The following GALNT6 variants were observed in gnomAD, a reference collection of about 807,000 sequenced individuals.
The protein encoded by GALNT6 is polypeptide N-acetylgalactosaminyltransferase 6, also known as GalNAc transferase 6.
In GALNT6, 51 loss-of-function variants were observed where a neutral mutation model predicts 65.9. The ratio of observed to expected loss-of-function variants is 0.77; its 90% CI spans 0.62 to 0.98. GALNT6 has a LOEUF of 0.98. Ranked by LOEUF, GALNT6 falls within the 50% of genes least tolerant of loss-of-function variation. GALNT6 has a pLI of 0.00. For synonymous variants in GALNT6, 323 were observed against 315.1 expected, an observed-to-expected ratio of 1.02 and a Z score of -0.26; for missense variants, 708 against 803.3, an observed-to-expected ratio of 0.88 and a Z score of 1.43.
Position 51,359,324 on chromosome 12 carries a change from C to A in GALNT6, c.1176G>T (p.Gln392His). 6.2e-7 allele frequency: 1 copy of A among 1,608,912 alleles called. No homozygotes were observed. The highest frequency in any genetic ancestry group is 8.5e-7 in the Non-Finnish European group (1 of 1,177,224). Reference sequence around the variant, plus strand: ...GGATGATCTCCAGCTGGCCCCCACACTGCCACACCTGATGTAAGAGGAGAC... The same window carrying A: ...GGATGATCTCCAGCTGGCCCCCACAATGCCACACCTGATGTAAGAGGAGAC... ...ENVEMSFRVW[Q>H]CGGQLEIIPC... Residue 392 changes from glutamine (Q) to histidine (H), a missense_variant, in exon 8 of 12, where the codon CAG (glutamine) becomes CAT (histidine). Physicochemically the swap from Gln to His is conservative, Grantham distance 24 (BLOSUM62 0). Coordinates refer to ENST00000356317, the MANE Select transcript of GALNT6 (RefSeq NM_007210.4).
rs927324448 is a variant in GALNT6, at chr12:51,387,258, C to T, written c.-104+3592G>A. Among the ~76,000 whole-genome samples the T allele has an allele frequency of 1.3e-5, 2 of 152,098 alleles. No individual in the cohort carries two copies. Among genetic ancestry groups the T allele is most frequent in the Non-Finnish European group, 1.5e-5 (1 of 68,032 alleles). ...GATTACAGGCGCCCGCCACCACGTC[C>T]GGCTAATTTTTGTATTTTTTTAGTA... On this transcript the variant is annotated intron_variant, in intron 2 of 11. Transcript: ENST00000356317. This position sits in a 1 kb window ranked among gnomAD's most constrained non-coding sequence, Gnocchi z 4.2.
chr12:51,361,096 G>A (rs531125469), intron 6 of GALNT6, among the ~76,000 whole-genome samples: 5 of 152,332 alleles, frequency 3.3e-5, no homozygotes, highest in African/African-American at 9.6e-5. Context: ...TAGGATGCAC[G>A]TAACACTGGC....
chr12:51,368,926 A>G (rs754635902), intron 4 of GALNT6, among the ~76,000 whole-genome samples: 8 of 152,180 alleles, frequency 5.3e-5, no homozygotes, highest in Non-Finnish European at 1.2e-4. Context: ...ATGTCTGTCA[A>G]TGTGCTGCCA....
intron 2 of GALNT6, among the ~76,000 whole-genome samples, chr12:51,381,729 T>C (rs372059021): frequency 4.0e-4 from 61 of 152,316 alleles, no homozygotes; most frequent in Middle Eastern, 6.8e-3. Context: ...CACAGGGTTG[T>C]GGGGAGGATT....
Position 51,379,856 on chromosome 12 carries a change from T to A in GALNT6, c.-75A>T. 7.0e-7 allele frequency: 1 copy of A among 1,424,338 alleles called. No individual in the cohort carries two copies. Among genetic ancestry groups the A allele is most frequent in the South Asian group, 1.4e-5 (1 of 73,378 alleles). 88.2% of individuals were successfully genotyped at this position (1,424,338 alleles called of 1,614,324 possible). On this transcript the variant is annotated 5_prime_UTR_variant, in exon 3 of 12. Coordinates refer to ENST00000356317, the MANE Select transcript of GALNT6 (RefSeq NM_007210.4). The stretch of plus-strand genomic sequence containing the variant: ...CCAACCCTGGAGATAGCTTGATACG[T>A]TGTGGTGGCCACAAGCTGGGGCCTC...
chr12:51,384,710 A>AAG (rs1947775258), intron 2 of GALNT6, among the ~76,000 whole-genome samples: 2 of 151,160 alleles, frequency 1.3e-5, no homozygotes, highest in South Asian at 4.2e-4. Flanking sequence ...AAAAAAAAAA[A>AAG]AGACCAATTA....
At chr12:51,356,188 A>G (rs181602672) in intron 10 of GALNT6, among the ~76,000 whole-genome samples, 2 of 149,508 alleles carry the variant, frequency 1.3e-5, no homozygotes, top group Admixed American at 1.3e-4. Context: ...ATATGTGTGT[A>G]TATATATATG....
intron 3 of GALNT6, 62 bp downstream of exon 3, chr12:51,379,229 C>T: frequency 1.3e-6 from 2 of 1,484,408 alleles, no homozygotes; most frequent in Non-Finnish European, 1.8e-6. Context: ...TGGCCCTGGC[C>T]ATACTAGCCA....
intron 2 of GALNT6, among the ~76,000 whole-genome samples, chr12:51,384,929 A>G (rs1281431362): frequency 6.6e-6 from 1 of 152,184 alleles, no homozygotes; most frequent in African/African-American, 2.4e-5. Context: ...AATAGAATGA[A>G]AAGAAAATAT....
At position 51,360,676 on chromosome 12, in the gene GALNT6, C is replaced by A. The variant is rs371198609; in HGVS notation, c.1167+45G>T. 4.5e-6 allele frequency: 5 copies of A among 1,100,364 alleles called. No homozygotes were observed. The African/African-American group carries it at 4.6e-5, about 10-fold the overall frequency. 68.2% of individuals were successfully genotyped at this position (1,100,364 alleles called of 1,614,324 possible). A position where few individuals can be genotyped will look rare whatever the true frequency, so the allele number is the denominator to read the frequency against. On this transcript the variant is annotated intron_variant, in intron 7 of 11. Transcript: ENST00000356317. ...GCCTGAGAGATGTTTCTCAAGCTGTCGCCTGGGATGTTGTGGTTCCCCCCA... is the reference window on the plus strand; with the variant it reads ...GCCTGAGAGATGTTTCTCAAGCTGTAGCCTGGGATGTTGTGGTTCCCCCCA...
chr12:51,377,227 T>C lies in GALNT6; in HGVS notation c.632A>G (p.Glu211Gly). 1.2e-6 allele frequency: 2 copies of C among 1,613,852 alleles called. No homozygotes were observed. The highest frequency in any genetic ancestry group is 1.7e-6 in the Non-Finnish European group (2 of 1,180,022). The change falls in exon 4 of 12, where the codon GAG (glutamate) becomes GGG (glycine). Residue 211 changes from glutamate (E) to glycine (G), a missense_variant. Transcript: ENST00000356317. The stretch of plus-strand genomic sequence containing the variant: ...GCTGGCATCATCCACCAGTATGATC[T>C]CCTTGAGCAAGATGGCAGGGGTGGT... ...LHTTPAILLK[E>G]IILVDDASTE...
intron 4 of GALNT6, among the ~76,000 whole-genome samples, chr12:51,368,338 G>A (rs1394028441): frequency 2.0e-5 from 3 of 151,624 alleles, no homozygotes; most frequent in African/African-American, 7.3e-5. Context: ...TGGCGCCTAG[G>A]AGAAGGAAAG....
rs1948058683 is a variant in GALNT6, at chr12:51,390,842, C to T, written c.-104+8G>A. The T allele has an allele frequency of 6.6e-6, 1 of 152,252 alleles. No individual in the cohort carries two copies. The highest frequency in any genetic ancestry group is 2.1e-4 in the South Asian group (1 of 4,830). 9.4% of individuals were successfully genotyped at this position (152,252 alleles called of 1,614,324 possible). ...TCCACCCCCATACACAGAAGAGCCC[C>T]ATCCTACCCTCTGCAGACGTCTGGG... On this transcript the variant is annotated splice_region_variant and intron_variant, in intron 2 of 11. Transcript: ENST00000356317.
At chr12:51,381,635 G>T (rs778347568) in intron 2 of GALNT6, among the ~76,000 whole-genome samples, 6 of 152,202 alleles carry the variant, frequency 3.9e-5, no homozygotes, top group Non-Finnish European at 8.8e-5. Context: ...ATCATTAGCA[G>T]CTGTGTGACC....
Position 51,358,221 on chromosome 12 carries a change from T to C in GALNT6, c.1409A>G (p.Glu470Gly). The change falls in exon 9 of 12, where the codon GAA becomes GGA. Residue 470 changes from glutamate to glycine, a missense_variant. Transcript: ENST00000356317. Reference protein sequence around the residue: ...GDISERLQLREQLHCHNFSWY... With the variant: ...GDISERLQLRGQLHCHNFSWY... ...GGAAAAGTTGTGACAGTGCAGTTGTTCCCTCAGCTGCAGTCGTTCCGAAAT... is the reference window on the plus strand; with the variant it reads ...GGAAAAGTTGTGACAGTGCAGTTGTCCCCTCAGCTGCAGTCGTTCCGAAAT... 1.2e-6 allele frequency: 2 copies of C among 1,613,416 alleles called. No homozygotes were observed. Among genetic ancestry groups the C allele is most frequent in the Admixed American group, 1.7e-5 (1 of 60,006 alleles).
At chr12:51,364,492 C>G in intron 5 of GALNT6, 137 bp from the exon 6 acceptor site, 1 of 635,824 alleles carries the variant, frequency 1.6e-6, no homozygotes, top group Non-Finnish European at 2.8e-6. Flanking sequence ...CCCACAGCTA[C>G]AGGGAGCACA....
intron 4 of GALNT6, among the ~76,000 whole-genome samples, chr12:51,368,141 A>ATT (rs1947170593): frequency 2.0e-5 from 3 of 150,494 alleles, no homozygotes; most frequent in African/African-American, 7.3e-5. Context: ...TTTTTTTTAA[A>ATT]TTTTTTTATT....
rs925694197 is a variant in GALNT6 at position 51,380,199 on chromosome 12, T to A, written c.-103-315A>T. On this transcript the variant is annotated intron_variant, in intron 2 of 11. Transcript: ENST00000356317. ...AACAACTTGGTATTATCAAGAAAAA[T>A]TTGAAATGAACACAGCCTGAGCCAG... is the stretch of plus-strand genomic sequence containing the variant. Among the ~76,000 whole-genome samples the A allele has an allele frequency of 3.3e-5, 5 of 152,008 alleles. No homozygotes were observed. In the South Asian group the frequency reaches 1.0e-3, roughly 32 times the overall value.
Position 51,354,487 on chromosome 12 carries a change from C to T in GALNT6, c.1761G>A (p.Gln587=). 1 of 1,593,742 alleles carries T rather than the reference C, an allele frequency of 6.3e-7. No individual in the cohort carries two copies. Among genetic ancestry groups the T allele is most frequent in the Non-Finnish European group, 8.6e-7 (1 of 1,168,992 alleles). The change falls in exon 12 of 12, where the codon CAG becomes CAA. Residue 587 remains glutamine, a synonymous_variant. Coordinates refer to ENST00000356317, the MANE Select transcript of GALNT6 (RefSeq NM_007210.4). ...KDEEWELAQD[Q]LIRNSGSGTC... ...TACCAGATCCTGAGTTCCTGATGAG[C>T]TGATCCTAAAAGATGACAAAGCAAA...
Sources: allele counts gnomAD v4.1 joint callset (sites outside exome capture counted in the v4.1 genomes callset), GRCh38; gene constraint gnomAD v4.1.1; non-coding constraint Gnocchi (gnomAD v3.1); transcripts MANE v1.5; gene names NCBI Gene and HGNC (gene_info 2026-07-23, HGNC 2026-07-21).